TMCC1: variants seen among roughly 807,000 people sequenced by gnomAD.
TMCC1 encodes transmembrane and coiled-coil domain family 1.
In TMCC1, 15 loss-of-function variants were observed where a neutral mutation model predicts 52.4. That is an observed-to-expected ratio of 0.29 (90% CI 0.19 to 0.44). The LOEUF (loss-of-function observed/expected upper bound fraction) is 0.44, where lower values mean the gene tolerates loss of function less well. Among genes scored for constraint, TMCC1 ranks in the 20% least tolerant of loss-of-function variants. TMCC1 has a pLI of 1.00. For missense variants in TMCC1, 503 were observed against 806.0 expected (o/e 0.62, Z 4.55); for synonymous variants, 279 against 301.9 (o/e 0.92, Z 0.79).
At chr3:129,783,508 A>T (rs1013402019) in intron 4 of TMCC1, among the ~76,000 whole-genome samples, 1 of 152,080 alleles carries the variant, frequency 6.6e-6, no homozygotes, top group South Asian at 2.1e-4. Flanking sequence ...CCTGACAAAG[A>T]CTTTCATCAA....
intron 2 of TMCC1, among the ~76,000 whole-genome samples, chr3:129,867,553 G>A (rs981243632): frequency 2.6e-5 from 4 of 152,112 alleles, no homozygotes; most frequent in African/African-American, 4.8e-5. Flanking sequence ...TTCAGTGATA[G>A]GTTTAAATCT....
chr3:129,865,226 A>G (rs2060568051), intron 2 of TMCC1, among the ~76,000 whole-genome samples: 1 of 152,096 alleles, frequency 6.6e-6, no homozygotes, highest in African/African-American at 2.4e-5. Context: ...GCAAGGCGCA[A>G]TCCGGGCTCA....
chr3:129,847,089 A>T (rs769179216), intron 2 of TMCC1: 2 of 152,102 alleles, frequency 1.3e-5, no homozygotes, highest in Non-Finnish European at 2.9e-5. Context: ...TCCTATGTTT[A>T]CTGTAATCAG....
chr3:129,751,486 C>T (rs1482255916), intron 4 of TMCC1, among the ~76,000 whole-genome samples: 2 of 150,512 alleles, frequency 1.3e-5, no homozygotes, highest in South Asian at 2.1e-4. Context: ...GCCATGATTG[C>T]ACCACTGCAC....
intron 2 of TMCC1, among the ~76,000 whole-genome samples, chr3:129,834,982 C>T (rs544813151): frequency 6.6e-6 from 1 of 152,310 alleles, no homozygotes; most frequent in South Asian, 2.1e-4. Context: ...GTTGTGAGAG[C>T]TATTTCCTTG....
At chr3:129,698,709 C>T (rs145955065) in intron 4 of TMCC1, among the ~76,000 whole-genome samples, 191 of 152,192 alleles carry the variant, frequency 1.3e-3, no homozygotes, top group African/African-American at 4.2e-3. Flanking sequence ...CAAGCTAAAG[C>T]CCTCTGCCTA....
chr3:129,775,641 A>C (rs1398308803), intron 4 of TMCC1, among the ~76,000 whole-genome samples: 1 of 152,118 alleles, frequency 6.6e-6, no homozygotes, highest in Non-Finnish European at 1.5e-5. Context: ...ATAAACATGA[A>C]ATATCTAAGA....
At chr3:129,741,112 A>C (rs2051417994) in intron 4 of TMCC1, among the ~76,000 whole-genome samples, 1 of 152,146 alleles carries the variant, frequency 6.6e-6, no homozygotes, top group South Asian at 2.1e-4. Flanking sequence ...TTATCTTTCA[A>C]GCAAAAATCA....
intron 6 of TMCC1, among the ~76,000 whole-genome samples, chr3:129,652,577 C>T (rs2086406883): frequency 6.6e-6 from 1 of 152,158 alleles, no homozygotes; most frequent in African/African-American, 2.4e-5. Flanking sequence ...TTAAATCTCA[C>T]CCTATAAACC....
At chr3:129,848,652 G>C (rs749338807) in intron 2 of TMCC1, among the ~76,000 whole-genome samples, 1 of 152,136 alleles carries the variant, frequency 6.6e-6, no homozygotes, top group Non-Finnish European at 1.5e-5. Context: ...CTGTGCAGTT[G>C]AAAGTACAAG....
At chr3:129,876,506 T>C (rs1250482741) in intron 2 of TMCC1, among the ~76,000 whole-genome samples, 1 of 151,774 alleles carries the variant, frequency 6.6e-6, no homozygotes, top group Non-Finnish European at 1.5e-5. Flanking sequence ...GAATCAAAAA[T>C]AAAGGAGCCA....
At chr3:129,745,561 C>G (rs529722098) in intron 4 of TMCC1, among the ~76,000 whole-genome samples, 1 of 152,196 alleles carries the variant, frequency 6.6e-6, no homozygotes, top group African/African-American at 2.4e-5. Context: ...TCCTAAGGAT[C>G]TTAGCCACTC....
At chr3:129,674,465 A>G (rs142769455) in intron 4 of TMCC1, among the ~76,000 whole-genome samples, 16 of 152,334 alleles carry the variant, frequency 1.1e-4, no homozygotes, top group African/African-American at 2.9e-4. Flanking sequence ...TCTAGCAGAA[A>G]CAATTTTTTT....
intron 2 of TMCC1, among the ~76,000 whole-genome samples, chr3:129,857,710 C>T (rs1384903597): frequency 2.0e-5 from 3 of 149,346 alleles, no homozygotes; most frequent in African/African-American, 4.8e-5. Context: ...TACAGGCACC[C>T]GCCACTAAGC....
chr3:129,839,952 A>G (rs1354620542), intron 2 of TMCC1, among the ~76,000 whole-genome samples: 6 of 152,070 alleles, frequency 3.9e-5, no homozygotes, highest in Admixed American at 1.3e-4. Context: ...GTAGGTTTTC[A>G]TCTAATTATA....
At chr3:129,693,918 A>G (rs950825989) in intron 4 of TMCC1, among the ~76,000 whole-genome samples, 1 of 152,204 alleles carries the variant, frequency 6.6e-6, no homozygotes, top group African/African-American at 2.4e-5. Context: ...GTAACTGTAT[A>G]TACTGGAATC....
chr3:129,789,287 A>C (rs182362198), intron 4 of TMCC1, among the ~76,000 whole-genome samples: 3 of 152,320 alleles, frequency 2.0e-5, no homozygotes, highest in Admixed American at 2.0e-4. Context: ...AAATACTTTT[A>C]AACAACCCTA....
Position 129,763,542 on chromosome 3 carries a change from C to CAA in TMCC1, c.576+64259_576+64260dup, listed in dbSNP as rs11354197. Among the ~76,000 whole-genome samples, 419 of 44,536 alleles carry CAA rather than the reference C, an allele frequency of 9.4e-3. 18 individuals carry two copies. Among genetic ancestry groups the CAA allele is most frequent in the Non-Finnish European group, 0.014 (322 of 23,682 alleles). The allele number at this position is 44,536 out of a possible 152,430, so 29.2% of individuals were successfully genotyped here. ...TGGATGACAGAGTGAGACCCTGTCT[C>CAA]AAAAAAAAAAAAAAAAAAAAAAAAA... On this transcript the variant is annotated intron_variant, in intron 4 of 6. Transcript: ENST00000393238.
At chr3:129,684,400 T>C (rs1462822687) in intron 4 of TMCC1, among the ~76,000 whole-genome samples, 7 of 152,240 alleles carry the variant, frequency 4.6e-5, no homozygotes, top group African/African-American at 1.7e-4. Context: ...TCTGTTGATG[T>C]AGGAGTCGGG....
Sources: gnomAD v4.1 joint callset for allele counts (sites outside exome capture counted in the v4.1 genomes callset) on GRCh38, gnomAD v4.1.1 for gene constraint, MANE v1.5 for transcripts, NCBI Gene and HGNC (gene_info 2026-07-23, HGNC 2026-07-21) for gene names.